MYO6: variants seen among roughly 807,000 people sequenced by gnomAD.
The protein encoded by MYO6 is unconventional myosin-VI.
A neutral mutation model predicts 178.7 loss-of-function variants in MYO6; 74 were observed. The observed-to-expected ratio is 0.41, with a 90% CI of 0.34 to 0.50. MYO6 has a LOEUF of 0.50. MYO6 is among the 20% of genes least tolerant of loss of function. The pLI is 0.09. For missense variants in MYO6, 1,330 were observed against 1,547.4 expected (o/e 0.86, Z 2.36); for synonymous variants, 477 against 504.6 (o/e 0.95, Z 0.73).
chr6:75,903,213 G>T (rs1250094948), intron 30 of MYO6, among the ~76,000 whole-genome samples: 1 of 151,682 alleles, frequency 6.6e-6, no homozygotes, highest in African/African-American at 2.4e-5. Context: ...TTGATTTGGG[G>T]TGGAGAGTTC....
At chr6:75,813,231 G>T (rs1343995788) in intron 1 of MYO6, among the ~76,000 whole-genome samples, 1 of 152,128 alleles carries the variant, frequency 6.6e-6, no homozygotes, top group African/African-American at 2.4e-5. Context: ...AGCTGAGCTG[G>T]CACCCAAGCC....
intron 1 of MYO6, among the ~76,000 whole-genome samples, chr6:75,812,050 AC>A (rs1770746699): frequency 6.6e-6 from 1 of 151,858 alleles, no homozygotes; most frequent in Admixed American, 6.6e-5. Context: ...ACAAGGTCTT[AC>A]TCTGTCTCCC....
chr6:75,908,613 C>T lies in MYO6; in HGVS notation c.3398C>T (p.Ser1133Phe), dbSNP rs1237282748. The T allele has an allele frequency of 6.2e-7, 1 of 1,613,442 alleles. No homozygotes were observed. Residue 1133 changes from serine to phenylalanine, a missense_variant, in exon 32 of 35, where the codon TCT becomes TTT. Around this residue, in one of 3 missense-constraint regions of MYO6, gnomAD observed 601 missense variants for 626.1 expected, o/e 0.96. Transcript: ENST00000369977. ...GAAACAGAGCAACGTGCTCCAAAGTCTGTTACTGATTATGGTAAAGAGAAA... is the reference window on the plus strand; with the variant it reads ...GAAACAGAGCAACGTGCTCCAAAGTTTGTTACTGATTATGGTAAAGAGAAA... ...NTETEQRAPK[S>F]VTDYDFAPFL...
At chr6:75,776,653 A>AGTGTGTGTGT (rs35830759) in intron 1 of MYO6, among the ~76,000 whole-genome samples, 1,890 of 144,738 alleles carry the variant, frequency 0.013, 54 homozygotes, top group East Asian at 0.12. Context: ...AGAAACGTGC[A>AGTGTGTGTGT]GTGTGTGTGT....
chr6:75,881,860 C>T (rs773710438), intron 23 of MYO6, 42 bp downstream of exon 23: 3 of 1,609,186 alleles, frequency 1.9e-6, no homozygotes, highest in Non-Finnish European at 2.5e-6. Context: ...TTCATTGTTT[C>T]AAGATGGTTT....
At chr6:75,815,998 G>C (rs938066151) in intron 1 of MYO6, among the ~76,000 whole-genome samples, 5 of 152,124 alleles carry the variant, frequency 3.3e-5, no homozygotes, top group Admixed American at 3.3e-4. Flanking sequence ...GGATTGTTTT[G>C]GCTACTCTTT....
At chr6:75,894,900 A>T (rs1779178157) in intron 28 of MYO6, 7 of 1,142,796 alleles carry the variant, frequency 6.1e-6, no homozygotes, top group Middle Eastern at 2.3e-4. Flanking sequence ...TCAATTACAC[A>T]TATGATTCTT....
Position 75,855,220 on chromosome 6 carries a change from G to A in MYO6, c.1160G>A (p.Arg387Gln), listed in dbSNP as rs752489259. ...ELLGLDQDDL[R>Q]VSLTTRVMLT... ...CTGGGTTTGGACCAAGATGATCTTC[G>A]AGTAAGTTTGACCACAAGAGTCATG... Residue 387 changes from arginine to glutamine, a missense_variant, in exon 12 of 35, where the codon CGA becomes CAA. This residue lies in a region of MYO6 where 613 missense variants were observed against 816.8 expected (regional missense o/e 0.75). Coordinates refer to ENST00000369977, the MANE Select transcript of MYO6 (RefSeq NM_004999.4). 27 of 1,613,498 alleles carry A rather than the reference G, an allele frequency of 1.7e-5. No homozygotes were observed. The highest frequency in any genetic ancestry group is 6.7e-5 in the Admixed American group (4 of 59,950).
chr6:75,848,096 C>T, intron 10 of MYO6, among the ~76,000 whole-genome samples: 1 of 152,040 alleles, frequency 6.6e-6, no homozygotes, highest in Non-Finnish European at 1.5e-5. Flanking sequence ...TGAAAAACAT[C>T]TAATTTCATT....
chr6:75,757,373 G>GTA (rs1006936606), intron 1 of MYO6, among the ~76,000 whole-genome samples: 5 of 146,722 alleles, frequency 3.4e-5, no homozygotes, highest in East Asian at 2.0e-4. Flanking sequence ...GTGTGTGTGT[G>GTA]TATATATATG....
At chr6:75,911,438 C>A (rs992207694) in intron 32 of MYO6, among the ~76,000 whole-genome samples, 3 of 151,332 alleles carry the variant, frequency 2.0e-5, no homozygotes, top group Non-Finnish European at 4.4e-5. Context: ...AATTTTGGTC[C>A]TCTTTATATG....
intron 14 of MYO6, 64 bp from the exon 15 acceptor site, chr6:75,860,959 A>T: frequency 8.5e-7 from 1 of 1,180,862 alleles, no homozygotes; most frequent in South Asian, 1.2e-5. Flanking sequence ...ATGTTCAGAA[A>T]CAGTGCAAAA....
intron 1 of MYO6, among the ~76,000 whole-genome samples, chr6:75,765,970 G>A (rs900053299): frequency 6.6e-6 from 1 of 152,182 alleles, no homozygotes; most frequent in African/African-American, 2.4e-5. Flanking sequence ...TGAGATGGCA[G>A]TGTGATATAA....
intron 27 of MYO6, 51 bp from the exon 28 acceptor site, chr6:75,892,479 C>G: frequency 6.2e-7 from 1 of 1,611,496 alleles, no homozygotes; most frequent in South Asian, 1.1e-5. Flanking sequence ...GGGGAGTGAT[C>G]AAGTAAACAA....
Position 75,866,445 on chromosome 6 carries a change from T to A in MYO6, c.1675-81T>A, listed in dbSNP as rs1776699520. ...ATTTCCTGTATAATTTTAAGTGTTT[T>A]ACATCTCAGTTGTTTTGTAAAGAAT... On this transcript the variant is annotated intron_variant, in intron 16 of 34. Coordinates refer to ENST00000369977, the MANE Select transcript of MYO6 (RefSeq NM_004999.4). 25 of 1,139,610 alleles carry A rather than the reference T, an allele frequency of 2.2e-5. No individual in the cohort carries two copies. In the South Asian group the frequency reaches 3.2e-4, roughly 15 times the overall value. 70.6% of individuals were successfully genotyped at this position (1,139,610 alleles called of 1,614,324 possible).
intron 7 of MYO6, among the ~76,000 whole-genome samples, chr6:75,839,439 C>T (rs1199524405): frequency 2.6e-5 from 4 of 152,148 alleles, no homozygotes; most frequent in African/African-American, 4.8e-5. Flanking sequence ...CCGCCTGCCT[C>T]GGCCTCCCAG....
chr6:75,785,639 A>G (rs1453839873), intron 1 of MYO6, among the ~76,000 whole-genome samples: 2 of 149,446 alleles, frequency 1.3e-5, no homozygotes, highest in Admixed American at 6.7e-5. Flanking sequence ...GCGTTCTGTT[A>G]ATTTTTTTTT....
At chr6:75,809,771 G>A (rs1770486512) in intron 1 of MYO6, among the ~76,000 whole-genome samples, 1 of 151,796 alleles carries the variant, frequency 6.6e-6, no homozygotes, top group Admixed American at 6.6e-5. Flanking sequence ...GGTAAGATAA[G>A]GGGGATGTCA....
intron 20 of MYO6, among the ~76,000 whole-genome samples, chr6:75,876,939 A>G (rs985963902): frequency 6.6e-6 from 1 of 152,204 alleles, no homozygotes; most frequent in African/African-American, 2.4e-5. Context: ...TTCATTTTAA[A>G]GAGAATTAAT....
Sources: allele counts gnomAD v4.1 joint callset (sites outside exome capture counted in the v4.1 genomes callset), GRCh38; gene constraint gnomAD v4.1.1; regional missense constraint gnomAD v4.1.1; transcripts MANE v1.5; gene names NCBI Gene and HGNC (gene_info 2026-07-23, HGNC 2026-07-21).